The following CAMK4 variants were observed in gnomAD, a reference collection of about 807,000 sequenced individuals.
CAMK4 encodes the protein calcium/calmodulin dependent protein kinase IV.
In CAMK4, 22 loss-of-function variants were observed where a neutral mutation model predicts 44.9. The observed-to-expected ratio is 0.49, with a 90% CI of 0.35 to 0.70. The LOEUF (loss-of-function observed/expected upper bound fraction) is 0.70, where lower values mean the gene tolerates loss of function less well. Ranked by LOEUF, CAMK4 falls within the 30% of genes least tolerant of loss-of-function variation. CAMK4 has a pLI of 0.01. For missense variants in CAMK4, 498 were observed against 586.8 expected, an observed-to-expected ratio of 0.85 and a Z score of 1.56; for synonymous variants, 218 against 215.4, an observed-to-expected ratio of 1.01 and a Z score of -0.11.
At chr5:111,393,800 T>A (rs1751897642) in intron 4 of CAMK4, among the ~76,000 whole-genome samples, 1 of 151,896 alleles carries the variant, frequency 6.6e-6, no homozygotes, top group Non-Finnish European at 1.5e-5. Flanking sequence ...TGAAATAACC[T>A]GTACAACAAA....
At chr5:111,406,686 G>A (rs1752446466) in intron 5 of CAMK4, among the ~76,000 whole-genome samples, 1 of 152,110 alleles carries the variant, frequency 6.6e-6, no homozygotes, top group Admixed American at 6.6e-5. Context: ...TAGGTCCCGA[G>A]GAGAGCTACT....
chr5:111,363,496 C>T (rs573240628), intron 2 of CAMK4, among the ~76,000 whole-genome samples: 2 of 152,128 alleles, frequency 1.3e-5, no homozygotes, highest in South Asian at 4.2e-4. Flanking sequence ...AGAACTCATG[C>T]TCCGATGGAA....
chr5:111,357,832 A>G (rs1344590412), intron 2 of CAMK4: 1 of 152,080 alleles, frequency 6.6e-6, no homozygotes, highest in African/African-American at 2.4e-5. Flanking sequence ...CCGCTTTCAC[A>G]TGTTAACACA....
intron 5 of CAMK4, among the ~76,000 whole-genome samples, chr5:111,436,226 A>T (rs79970991): frequency 0.042 from 6,442 of 152,322 alleles, 432 homozygotes; most frequent in African/African-American, 0.14. Flanking sequence ...CATATAGTTT[A>T]TCTTAGAAAT....
intron 4 of CAMK4, among the ~76,000 whole-genome samples, chr5:111,381,316 T>C (rs1751403718): frequency 6.6e-6 from 1 of 152,156 alleles, no homozygotes. Flanking sequence ...AAAGGCCACC[T>C]GCAAGCTGAG....
At chr5:111,462,557 A>G (rs896020676) in intron 7 of CAMK4, among the ~76,000 whole-genome samples, 3 of 152,300 alleles carry the variant, frequency 2.0e-5, no homozygotes, top group East Asian at 1.9e-4. Context: ...ATTTTTTCCA[A>G]AAGAGTTACT....
chr5:111,353,209 T>C (rs1750187123), intron 2 of CAMK4, among the ~76,000 whole-genome samples: 1 of 152,010 alleles, frequency 6.6e-6, no homozygotes, highest in East Asian at 1.9e-4. Flanking sequence ...TAAAAATGTG[T>C]TGCATGCAAA....
intron 7 of CAMK4, among the ~76,000 whole-genome samples, chr5:111,472,712 C>G (rs1485326508): frequency 6.6e-6 from 1 of 152,174 alleles, no homozygotes; most frequent in Non-Finnish European, 1.5e-5. Context: ...AGTTCATGAC[C>G]TCAAGCTGAT....
intron 1 of CAMK4, among the ~76,000 whole-genome samples, chr5:111,260,466 G>A (rs1163554075): frequency 6.6e-6 from 1 of 152,020 alleles, no homozygotes; most frequent in African/African-American, 2.4e-5. Context: ...CTAGGTGTGG[G>A]CTTTCTCCAA....
At chr5:111,354,724 A>G (rs1391296456) in intron 2 of CAMK4, among the ~76,000 whole-genome samples, 2 of 152,094 alleles carry the variant, frequency 1.3e-5, no homozygotes, top group Admixed American at 6.6e-5. Context: ...TAAAAATTAC[A>G]AAATAAATAA....
At chr5:111,478,823 G>T (rs952665827) in intron 9 of CAMK4, among the ~76,000 whole-genome samples, 1 of 152,154 alleles carries the variant, frequency 6.6e-6, no homozygotes, top group African/African-American at 2.4e-5. Flanking sequence ...AATTTACACA[G>T]AATTCTGTTT....
intron 4 of CAMK4, 71 bp from the exon 5 acceptor site, chr5:111,394,639 C>T: frequency 2.0e-6 from 2 of 987,542 alleles, no homozygotes; most frequent in South Asian, 2.9e-5. Context: ...CATTAATTTA[C>T]TTAACTTCTT....
chr5:111,350,446 C>T (rs933796823), intron 2 of CAMK4, among the ~76,000 whole-genome samples: 4 of 151,930 alleles, frequency 2.6e-5, no homozygotes, highest in Non-Finnish European at 4.4e-5. Flanking sequence ...AAAATGGATA[C>T]ATATTCTCTT....
intron 7 of CAMK4, among the ~76,000 whole-genome samples, chr5:111,457,213 T>G (rs917260993): frequency 6.6e-6 from 1 of 152,148 alleles, no homozygotes; most frequent in East Asian, 1.9e-4. Context: ...AAGGATAAAT[T>G]TAAGAGTACT....
chr5:111,492,570 T>C lies in CAMK4; in HGVS notation c.*8104T>C, dbSNP rs534108818. The C allele has an allele frequency of 2.0e-4, 30 of 152,286 alleles. No individual in the cohort carries two copies. Among genetic ancestry groups the C allele is most frequent in the African/African-American group, 7.2e-4 (30 of 41,556 alleles). The allele number at this position is 152,286 out of a possible 1,614,324, so 9.4% of individuals were successfully genotyped here. The stretch of plus-strand genomic sequence containing the variant: ...ATACTTTAGAAATGAATGAAGTCAA[T>C]AGCTAATGTTTCTCCCAGAAACTAA... On this transcript the variant is annotated 3_prime_UTR_variant, in exon 11 of 11. Coordinates refer to ENST00000282356, the MANE Select transcript of CAMK4 (RefSeq NM_001744.6).
intron 1 of CAMK4, among the ~76,000 whole-genome samples, chr5:111,342,513 C>T (rs1220590204): frequency 2.0e-5 from 3 of 150,918 alleles, no homozygotes; most frequent in Non-Finnish European, 4.4e-5. Flanking sequence ...CTATTTATGC[C>T]TATATATTTA....
intron 9 of CAMK4, among the ~76,000 whole-genome samples, chr5:111,480,730 C>T (rs1435152073): frequency 2.6e-5 from 4 of 152,082 alleles, no homozygotes; most frequent in East Asian, 1.9e-4. Flanking sequence ...ATCTCTAGGT[C>T]GTTGTGAGAA....
At chr5:111,371,081 A>G (rs141345658) in intron 2 of CAMK4, among the ~76,000 whole-genome samples, 43 of 152,208 alleles carry the variant, frequency 2.8e-4, no homozygotes, top group African/African-American at 9.6e-4. Context: ...GATAATTTTT[A>G]CAAAATGTAT....
chr5:111,475,497 T>G (rs1465445238), intron 8 of CAMK4, among the ~76,000 whole-genome samples: 1 of 152,232 alleles, frequency 6.6e-6, no homozygotes, highest in Non-Finnish European at 1.5e-5. Flanking sequence ...AATATTTTAT[T>G]GTAACCCTGA....
Sources: allele counts gnomAD v4.1 joint callset (sites outside exome capture counted in the v4.1 genomes callset), GRCh38; gene constraint gnomAD v4.1.1; transcripts MANE v1.5; gene names NCBI Gene and HGNC (gene_info 2026-07-23, HGNC 2026-07-21).